CSMD1: variants seen among roughly 807,000 people sequenced by gnomAD.
The protein encoded by CSMD1 is CUB and sushi domain-containing protein 1.
Under a neutral mutation model 417.5 loss-of-function variants are expected in CSMD1, and 213 were observed. The observed-to-expected ratio is 0.51, with a 90% CI of 0.46 to 0.57. The LOEUF is 0.57. CSMD1 is among the 20% of genes least tolerant of loss of function. The probability of loss-of-function intolerance (pLI) is 0.00; values close to 1 mark genes in which losing one functional copy is unlikely to be tolerated. For missense variants in CSMD1, 6,923 were observed against 4,529.7 expected (o/e 1.53, Z -15.17); for synonymous variants, 2,862 against 1,736.8 (o/e 1.65, Z -16.11).
intron 5 of CSMD1, among the ~76,000 whole-genome samples, chr8:3,851,271 C>T (rs1803887687): frequency 6.6e-6 from 1 of 152,194 alleles, no homozygotes; most frequent in African/African-American, 2.4e-5. Flanking sequence ...CAGGGCAACA[C>T]AAAGTCTTTA....
At chr8:3,812,233 G>A (rs899752934) in intron 5 of CSMD1, among the ~76,000 whole-genome samples, 11 of 152,118 alleles carry the variant, frequency 7.2e-5, no homozygotes, top group African/African-American at 2.7e-4. Context: ...AAAGATACAG[G>A]AAAGGGAACT....
intron 6 of CSMD1, among the ~76,000 whole-genome samples, chr8:3,721,200 T>C (rs774085115): frequency 2.4e-4 from 37 of 152,314 alleles, no homozygotes; most frequent in Non-Finnish European, 4.4e-4. Flanking sequence ...TGCGTGATTT[T>C]CAAAGGAATG....
At chr8:4,373,336 A>T (rs77171301) in intron 3 of CSMD1, among the ~76,000 whole-genome samples, 2,839 of 152,312 alleles carry the variant, frequency 0.019, 96 homozygotes, top group African/African-American at 0.064. Flanking sequence ...GCGACATAGG[A>T]TTTTTAGTTA....
intron 40 of CSMD1, among the ~76,000 whole-genome samples, chr8:3,143,709 GCTTTA>G (rs1397205561): frequency 6.6e-6 from 1 of 152,096 alleles, no homozygotes; most frequent in African/African-American, 2.4e-5. Context: ...ATAAAAGAAA[GCTTTA>G]CTCTGCATGG....
chr8:4,987,725 G>T lies in CSMD1; in HGVS notation c.85+6607C>A, dbSNP rs549709153. Reference sequence around the variant, plus strand: ...GATTAACATTTGAGTCAACGGACTGGGAGGGGCAGACCCTCCCTCAATGTG... The same window carrying T: ...GATTAACATTTGAGTCAACGGACTGTGAGGGGCAGACCCTCCCTCAATGTG... On this transcript the variant is annotated intron_variant, in intron 1 of 69. Transcript: ENST00000635120. Among the ~76,000 whole-genome samples, 379 of 152,252 alleles carry T rather than the reference G, an allele frequency of 2.5e-3. 2 individuals are homozygous for T. Among genetic ancestry groups the T allele is most frequent in the African/African-American group, 8.7e-3 (362 of 41,532 alleles).
intron 3 of CSMD1, among the ~76,000 whole-genome samples, chr8:4,174,712 A>AGGGGAAGAGGGATGT (rs1797943728): frequency 6.7e-5 from 1 of 14,960 alleles, no homozygotes; most frequent in Non-Finnish European, 1.4e-4. Context: ...CACTGAAGAG[A>AGGGGAAGAGGGATGT]GAGGAAGAGG....
intron 12 of CSMD1, among the ~76,000 whole-genome samples, chr8:3,452,299 A>T (rs1815783712): frequency 6.6e-6 from 1 of 152,056 alleles, no homozygotes; most frequent in Admixed American, 6.6e-5. Flanking sequence ...CTAATTGAAT[A>T]CCCTTTATTT....
rs111866884 is a variant in CSMD1 at position 4,790,356 on chromosome 8, G to A, written c.86-152798C>T. On this transcript the variant is annotated intron_variant, in intron 1 of 69. Transcript: ENST00000635120. ...ACAAACTAATGGAAAAACATTCCAT[G>A]CTCATGGACAGGAAGAATCAATATT... Among the ~76,000 whole-genome samples, 501 of 152,256 alleles carry A rather than the reference G, an allele frequency of 3.3e-3. 9 individuals are homozygous for A. The highest frequency in any genetic ancestry group is 0.012 in the African/African-American group (484 of 41,554).
At chr8:4,305,977 G>T (rs1020915568) in intron 3 of CSMD1, among the ~76,000 whole-genome samples, 1 of 152,132 alleles carries the variant, frequency 6.6e-6, no homozygotes, top group Non-Finnish European at 1.5e-5. Flanking sequence ...TACATAGTGT[G>T]CCCAGACATT....
At chr8:3,114,314 C>T (rs952241886) in intron 42 of CSMD1, among the ~76,000 whole-genome samples, 3 of 151,930 alleles carry the variant, frequency 2.0e-5, no homozygotes, top group African/African-American at 7.2e-5. Context: ...AGAGACTTAT[C>T]ATTTATAGAT....
At chr8:4,624,283 T>G (rs905688799) in intron 2 of CSMD1, among the ~76,000 whole-genome samples, 42 of 152,104 alleles carry the variant, frequency 2.8e-4, no homozygotes, top group African/African-American at 9.9e-4. Flanking sequence ...CAAGCTATAG[T>G]AGGGAAAGGG....
intron 3 of CSMD1, among the ~76,000 whole-genome samples, chr8:4,317,973 T>C (rs1360897950): frequency 1.3e-5 from 2 of 152,220 alleles, no homozygotes; most frequent in East Asian, 3.8e-4. Context: ...TGGTATTTTA[T>C]AATAGTTATT....
chr8:3,027,115 T>G, intron 51 of CSMD1, among the ~76,000 whole-genome samples: 1 of 152,134 alleles, frequency 6.6e-6, no homozygotes, highest in East Asian at 1.9e-4. Flanking sequence ...TTTAAAAAAT[T>G]TTTTTAAATG....
chr8:4,105,766 C>G (rs556791691), intron 3 of CSMD1, among the ~76,000 whole-genome samples: 2 of 152,210 alleles, frequency 1.3e-5, no homozygotes, highest in East Asian at 3.9e-4. Context: ...TTATTTCTCA[C>G]TGAAGAGGCT....
intron 50 of CSMD1, among the ~76,000 whole-genome samples, chr8:3,034,254 T>C (rs191102500): frequency 1.3e-5 from 2 of 152,348 alleles, no homozygotes; most frequent in Admixed American, 1.3e-4. Flanking sequence ...AAATCGCCCA[T>C]GCTTTTTTGT....
chr8:3,070,020 C>A (rs1813222888), intron 49 of CSMD1, among the ~76,000 whole-genome samples: 1 of 152,232 alleles, frequency 6.6e-6, no homozygotes, highest in Non-Finnish European at 1.5e-5. Context: ...GTCTGAGCTG[C>A]ACCTGGGCAC....
chr8:4,453,814 CTTTTTT>C lies in CSMD1; in HGVS notation c.303-33755_303-33750del, dbSNP rs60422486. ...CCGAACAAGATTGCGCAATTCGTTT[CTTTTTT>C]TTTTTTTTTTTTTTTTTTTGAGACA... On this transcript the variant is annotated intron_variant, in intron 2 of 69. Coordinates refer to ENST00000635120, the MANE Select transcript of CSMD1 (RefSeq NM_033225.6). Among the ~76,000 whole-genome samples, 475 of 67,734 alleles carry C rather than the reference CTTTTTT, an allele frequency of 7.0e-3. 3 individuals carry two copies. Among genetic ancestry groups the C allele is most frequent in the African/African-American group, 0.026 (451 of 17,422 alleles). The allele number at this position is 67,734 out of a possible 152,430, so 44.4% of individuals were successfully genotyped here.
intron 5 of CSMD1, among the ~76,000 whole-genome samples, chr8:3,882,388 T>G (rs1806266293): frequency 6.6e-6 from 1 of 152,150 alleles, no homozygotes; most frequent in African/African-American, 2.4e-5. Context: ...TAAAATACAA[T>G]TTTAAAAACA....
Position 3,118,439 on chromosome 8 carries a change from C to A in CSMD1, c.6390G>T (p.Gly2130=), listed in dbSNP as rs374258672. 68 of 1,613,524 alleles carry A rather than the reference C, an allele frequency of 4.2e-5. 3 individuals are homozygous for A. In the Middle Eastern group the frequency reaches 3.8e-3, roughly 90 times the overall value. Residue 2130 remains glycine, a synonymous_variant, in exon 42 of 70, where the codon GGG becomes GGT. Transcript: ENST00000635120. ...IGHPVLTCQH[G]INRNWNYPFP... is the part of the protein sequence containing the mutation. ...AAGGGTAGTTCCAGTTTCTGTTGAT[C>A]CCATGCTGACAAGTGAGGACAGGAT...
Sources: gnomAD v4.1 joint callset for allele counts (sites outside exome capture counted in the v4.1 genomes callset) on GRCh38, gnomAD v4.1.1 for gene constraint, MANE v1.5 for transcripts, NCBI Gene and HGNC (gene_info 2026-07-23, HGNC 2026-07-21) for gene names.